The following LDLRAD3 variants were observed in gnomAD, a reference collection of about 807,000 sequenced individuals.
The protein encoded by LDLRAD3 is low-density lipoprotein receptor class A domain-containing protein 3.
LDLRAD3 carries 20 observed loss-of-function variants against 29.4 expected under a neutral mutation model. The observed-to-expected ratio is 0.68, with a 90% CI of 0.48 to 0.99. The LOEUF is 0.99. Ranked by LOEUF, LDLRAD3 falls within the 50% of genes least tolerant of loss-of-function variation. LDLRAD3 has a pLI of 0.00. For missense variants in LDLRAD3, 420 were observed against 454.3 expected (o/e 0.92, Z 0.69); for synonymous variants, 157 against 192.7 (o/e 0.81, Z 1.53).
intron 4 of LDLRAD3, among the ~76,000 whole-genome samples, chr11:36,105,098 TGTA>T (rs1853507397): frequency 6.6e-6 from 1 of 152,198 alleles, no homozygotes; most frequent in African/African-American, 2.4e-5. Flanking sequence ...TCTTGCTTGC[TGTA>T]TCCTGGTGAT....
At position 36,213,067 on chromosome 11, in the gene LDLRAD3, C is replaced by T. The variant is rs1455849570; in HGVS notation, c.455-14018C>T. ...CTCCCCCACCCCTCTCTTTCTCTCC[C>T]CCTCGCTCCCTCCCTCTCTCCCTCC... On this transcript the variant is annotated intron_variant, in intron 4 of 5. Coordinates refer to ENST00000315571, the MANE Select transcript of LDLRAD3 (RefSeq NM_174902.4). This position sits in a 1 kb window ranked among gnomAD's most constrained non-coding sequence, Gnocchi z 4.1. 6.6e-6 allele frequency among the ~76,000 whole-genome samples: 1 copy of T among 151,052 alleles called. No homozygotes were observed. Among genetic ancestry groups the T allele is most frequent in the Non-Finnish European group, 1.5e-5 (1 of 67,778 alleles).
At chr11:36,141,441 G>A (rs747950938) in intron 4 of LDLRAD3, among the ~76,000 whole-genome samples, 12 of 152,276 alleles carry the variant, frequency 7.9e-5, no homozygotes, top group Admixed American at 1.3e-4. Context: ...ATGTGGAAGC[G>A]GATGCATCCC....
intron 4 of LDLRAD3, among the ~76,000 whole-genome samples, chr11:36,133,002 G>A (rs1853948515): frequency 6.6e-6 from 1 of 152,178 alleles, no homozygotes; most frequent in Admixed American, 6.5e-5. Context: ...ATTTTGAGAG[G>A]ATAAATGAGA....
intron 4 of LDLRAD3, among the ~76,000 whole-genome samples, chr11:36,149,680 G>A (rs577496346): frequency 5.9e-5 from 9 of 152,290 alleles, no homozygotes; most frequent in Admixed American, 4.6e-4. Context: ...GTCCTGCCAC[G>A]TTTGTCTCAG....
At chr11:36,039,621 G>A (rs1293490629) in intron 2 of LDLRAD3, among the ~76,000 whole-genome samples, 2 of 152,138 alleles carry the variant, frequency 1.3e-5, no homozygotes, top group East Asian at 1.9e-4. Flanking sequence ...TTATTTGGTC[G>A]TTGTCATGGG....
chr11:36,218,749 C>T (rs113315387), intron 4 of LDLRAD3, among the ~76,000 whole-genome samples: 2,669 of 152,316 alleles, frequency 0.018, 78 homozygotes, highest in African/African-American at 0.058. Flanking sequence ...AGATCACTGG[C>T]CCCTCCCCTC....
intron 4 of LDLRAD3, among the ~76,000 whole-genome samples, chr11:36,113,424 G>A (rs1243120265): frequency 2.6e-5 from 4 of 151,666 alleles, no homozygotes; most frequent in East Asian, 3.9e-4. Flanking sequence ...TACAGAAGGA[G>A]AAGACTGAAA....
At chr11:35,966,595 G>A (rs1851344835) in intron 1 of LDLRAD3, among the ~76,000 whole-genome samples, 1 of 152,144 alleles carries the variant, frequency 6.6e-6, no homozygotes, top group Non-Finnish European at 1.5e-5. Flanking sequence ...CCACAAGAGG[G>A]ACAGGGCAAG....
chr11:36,001,348 C>G (rs1423474830), intron 1 of LDLRAD3, among the ~76,000 whole-genome samples: 1 of 152,150 alleles, frequency 6.6e-6, no homozygotes, highest in Non-Finnish European at 1.5e-5. Context: ...GCTATCCCTC[C>G]CCGCTCCCCC....
At chr11:35,983,227 C>T (rs376320587) in intron 1 of LDLRAD3, among the ~76,000 whole-genome samples, 14 of 152,182 alleles carry the variant, frequency 9.2e-5, no homozygotes, top group African/African-American at 2.7e-4. Context: ...TCCTTACCTC[C>T]GTCATACACA....
rs57687795 is a variant in LDLRAD3 at position 36,128,117 on chromosome 11, C to CATAT, written c.454+29671_454+29674dup. ...CGTATTGATGGCAGAGTTGTTTTTA[C>CATAT]ATATATATATATATATATGTATATG... On this transcript the variant is annotated intron_variant, in intron 4 of 5. Transcript: ENST00000315571. 7.3e-3 allele frequency among the ~76,000 whole-genome samples: 725 copies of CATAT among 98,988 alleles called. 65 individuals are homozygous for CATAT. Among genetic ancestry groups the CATAT allele is most frequent in the Non-Finnish European group, 0.011 (475 of 43,338 alleles). The allele number at this position is 98,988 out of a possible 152,430, so 64.9% of individuals were successfully genotyped here.
rs1244168870 is a variant in LDLRAD3, at chr11:36,126,837, T to TG, written c.454+28379dup. Reference sequence around the variant, plus strand: ...CAGAGAACCTATGTTGTAAGACCAGTGGGTGTCCTGAATGGCTAAGTAATT... The same window carrying TG: ...CAGAGAACCTATGTTGTAAGACCAGTGGGGTGTCCTGAATGGCTAAGTAATT... On this transcript the variant is annotated intron_variant, in intron 4 of 5. Coordinates refer to ENST00000315571, the MANE Select transcript of LDLRAD3 (RefSeq NM_174902.4). Among the ~76,000 whole-genome samples, 9 of 152,358 alleles carry TG rather than the reference T, an allele frequency of 5.9e-5. No homozygotes were observed. The East Asian group carries it at 1.7e-3, about 29-fold the overall frequency.
intron 4 of LDLRAD3, among the ~76,000 whole-genome samples, chr11:36,141,411 G>A (rs748809227): frequency 3.3e-4 from 50 of 152,284 alleles, no homozygotes; most frequent in African/African-American, 1.2e-3. Flanking sequence ...TTTTATGTGC[G>A]TCTTGGAAGG....
rs142568233 is a variant in LDLRAD3, at chr11:36,224,127, G to A, written c.455-2958G>A. Among the ~76,000 whole-genome samples, 16 of 150,024 alleles carry A rather than the reference G, an allele frequency of 1.1e-4. No homozygotes were observed. In the East Asian group the frequency reaches 3.1e-3, roughly 29 times the overall value. ...TAATAATTATTATTTTGTTGTAGTG[G>A]TGGTTGTTACAAGAAAGAACTAGCA... On this transcript the variant is annotated intron_variant, in intron 4 of 5. Transcript: ENST00000315571.
intron 1 of LDLRAD3, among the ~76,000 whole-genome samples, chr11:35,959,031 A>T (rs996483120): frequency 1.3e-5 from 2 of 152,152 alleles, no homozygotes. Flanking sequence ...GGGTGAACTG[A>T]TACAAATCAA....
chr11:36,133,011 G>C (rs1853948597), intron 4 of LDLRAD3, among the ~76,000 whole-genome samples: 1 of 152,206 alleles, frequency 6.6e-6, no homozygotes. Context: ...GGATAAATGA[G>C]ATACTGATTA....
chr11:36,095,012 C>T (rs1853338285), intron 3 of LDLRAD3, among the ~76,000 whole-genome samples: 1 of 152,068 alleles, frequency 6.6e-6, no homozygotes, highest in African/African-American at 2.4e-5. Flanking sequence ...TAGCAAGACC[C>T]CTGTCTCTAC....
At chr11:36,124,173 A>G (rs1853801904) in intron 4 of LDLRAD3, among the ~76,000 whole-genome samples, 1 of 152,216 alleles carries the variant, frequency 6.6e-6, no homozygotes, top group South Asian at 2.1e-4. Flanking sequence ...CGTAATAGCT[A>G]CAAGAAGTAT....
At chr11:35,953,546 A>G (rs1306862190) in intron 1 of LDLRAD3, among the ~76,000 whole-genome samples, 3 of 152,136 alleles carry the variant, frequency 2.0e-5, no homozygotes, top group Non-Finnish European at 4.4e-5. Context: ...TTACTGGAAC[A>G]TTTTCCTTCA....
Sources: allele counts gnomAD v4.1 joint callset (sites outside exome capture counted in the v4.1 genomes callset), GRCh38; gene constraint gnomAD v4.1.1; non-coding constraint Gnocchi (gnomAD v3.1); transcripts MANE v1.5; gene names NCBI Gene and HGNC (gene_info 2026-07-23, HGNC 2026-07-21).